The following PPFIA2 variants were observed in gnomAD, a reference collection of about 807,000 sequenced individuals.
PPFIA2 encodes liprin-alpha-2.
In PPFIA2, 46 loss-of-function variants were observed where a neutral mutation model predicts 175.5. The observed-to-expected ratio is 0.26, with a 90% confidence interval of 0.21 to 0.34. PPFIA2 has a LOEUF of 0.34. Among genes scored for constraint, PPFIA2 ranks in the 10% least tolerant of loss-of-function variants. The pLI is 1.00. For missense variants in PPFIA2, 1,179 were observed against 1,506.1 expected, an observed-to-expected ratio of 0.78 and a Z score of 3.60; for synonymous variants, 568 against 511.4, an observed-to-expected ratio of 1.11 and a Z score of -1.49.
At chr12:81,747,973 A>C (rs2083273289) in intron 3 of PPFIA2, among the ~76,000 whole-genome samples, 1 of 143,998 alleles carries the variant, frequency 6.9e-6, no homozygotes, top group African/African-American at 2.4e-5. Flanking sequence ...ACCTCCTTTC[A>C]ATCACTCTTA....
rs180954385 is a variant in PPFIA2, at chr12:81,416,381, G to A, written c.646-10478C>T. On this transcript the variant is annotated intron_variant, in intron 7 of 32. Transcript: ENST00000549396. The stretch of plus-strand genomic sequence containing the variant: ...TCATTAAGGTAAACAGTACTGAGAA[G>A]TGCCCTACCAAAGATAAAGAAACTG... Among the ~76,000 whole-genome samples, 98 of 151,652 alleles carry A rather than the reference G, an allele frequency of 6.5e-4. 2 individuals are homozygous for A. In the East Asian group the frequency reaches 0.018, roughly 28 times the overall value.
intron 4 of PPFIA2, among the ~76,000 whole-genome samples, chr12:81,579,024 AT>A (rs1748005447): frequency 6.6e-6 from 1 of 151,794 alleles, no homozygotes; most frequent in South Asian, 2.1e-4. Context: ...AAGATTGCCA[AT>A]TTTCTTCTAA....
At position 81,439,824 on chromosome 12, in the gene PPFIA2, G is replaced by A. The variant is rs981359399; in HGVS notation, c.645+148C>T. On this transcript the variant is annotated intron_variant, in intron 7 of 32. Coordinates refer to ENST00000549396, the MANE Select transcript of PPFIA2 (RefSeq NM_003625.5). ...ACCAAAAATCAGAAAACAAGACTCC[G>A]GCAACTAATTTCAACAAGCCTTGTT... is the stretch of plus-strand genomic sequence containing the variant. The A allele has an allele frequency of 5.4e-5, 37 of 690,086 alleles. 1 individual carries two copies. Among genetic ancestry groups the A allele is most frequent in the Admixed American group, 1.4e-4 (4 of 28,510 alleles). The allele number at this position is 690,086 out of a possible 1,614,324, so 42.7% of individuals were successfully genotyped here.
intron 6 of PPFIA2, among the ~76,000 whole-genome samples, chr12:81,443,104 T>C (rs1319166336): frequency 6.6e-6 from 1 of 151,480 alleles, no homozygotes; most frequent in African/African-American, 2.4e-5. Flanking sequence ...CAAATGCTGA[T>C]GCTTACTCCT....
intron 9 of PPFIA2, among the ~76,000 whole-genome samples, chr12:81,377,321 A>G (rs1479795897): frequency 6.6e-6 from 1 of 152,138 alleles, no homozygotes; most frequent in Non-Finnish European, 1.5e-5. Flanking sequence ...CAAGGTGGGC[A>G]GATCTCTTGA....
At chr12:81,301,012 AAC>A (rs1272014406) in intron 22 of PPFIA2, among the ~76,000 whole-genome samples, 1 of 152,146 alleles carries the variant, frequency 6.6e-6, no homozygotes, top group East Asian at 1.9e-4. Context: ...ACATTACACA[AAC>A]AGCTGCTAAC....
At chr12:81,476,553 A>G (rs576700433) in intron 4 of PPFIA2, among the ~76,000 whole-genome samples, 126 of 152,348 alleles carry the variant, frequency 8.3e-4, no homozygotes, top group African/African-American at 3.0e-3. Flanking sequence ...ATAAATATGA[A>G]CTGTAAAATA....
At chr12:81,639,460 A>G (rs576371548) in intron 4 of PPFIA2, among the ~76,000 whole-genome samples, 13 of 151,906 alleles carry the variant, frequency 8.6e-5, no homozygotes, top group Non-Finnish European at 1.9e-4. Context: ...AACCACCCAC[A>G]TTTCTTCCCA....
chr12:81,650,369 A>T (rs951739056), intron 4 of PPFIA2, among the ~76,000 whole-genome samples: 52 of 152,238 alleles, frequency 3.4e-4, no homozygotes, highest in Non-Finnish European at 5.9e-4. Context: ...GAGTAAAAAA[A>T]TTAAATATAC....
intron 22 of PPFIA2, among the ~76,000 whole-genome samples, chr12:81,312,585 A>T (rs2051209283): frequency 6.6e-6 from 1 of 152,222 alleles, no homozygotes; most frequent in Non-Finnish European, 1.5e-5. Context: ...ATAGCTTTAT[A>T]AGCCTACTGC....
chr12:81,343,077 G>A lies in PPFIA2; in HGVS notation c.2262+1587C>T, dbSNP rs527467156. 2.6e-5 allele frequency among the ~76,000 whole-genome samples: 4 copies of A among 152,030 alleles called. No individual in the cohort carries two copies. In the East Asian group the frequency reaches 7.7e-4, roughly 29 times the overall value. ...TTCTTAAATGTTGAATAAATAGGCTGATTACTTACCTGCTCTAATATTACA... is the reference window on the plus strand; with the variant it reads ...TTCTTAAATGTTGAATAAATAGGCTAATTACTTACCTGCTCTAATATTACA... On this transcript the variant is annotated intron_variant, in intron 19 of 32. Coordinates refer to ENST00000549396, the MANE Select transcript of PPFIA2 (RefSeq NM_003625.5).
At chr12:81,638,682 CTTTTTTTTTT>C (rs869311003) in intron 4 of PPFIA2, among the ~76,000 whole-genome samples, 3 of 72,684 alleles carry the variant, frequency 4.1e-5, no homozygotes, top group Admixed American at 4.6e-4. Context: ...CATAAATTTT[CTTTTTTTTTT>C]TTTTTTTTTT....
chr12:81,735,993 T>C (rs2081526384), intron 3 of PPFIA2, among the ~76,000 whole-genome samples: 1 of 151,910 alleles, frequency 6.6e-6, no homozygotes, highest in Non-Finnish European at 1.5e-5. Context: ...TTGAAATCAG[T>C]AAATGTTAAA....
At chr12:81,617,222 C>T (rs2061496727) in intron 4 of PPFIA2, among the ~76,000 whole-genome samples, 2 of 152,124 alleles carry the variant, frequency 1.3e-5, no homozygotes, top group Non-Finnish European at 2.9e-5. Flanking sequence ...TTTATTTTTG[C>T]CCAGTAGATT....
At chr12:81,282,516 G>T (rs564204374) in intron 26 of PPFIA2, among the ~76,000 whole-genome samples, 5 of 152,166 alleles carry the variant, frequency 3.3e-5, no homozygotes, top group Non-Finnish European at 7.4e-5. Flanking sequence ...GTATATGTCT[G>T]TTCCAAGTAT....
intron 3 of PPFIA2, among the ~76,000 whole-genome samples, chr12:81,698,448 C>G (rs758977495): frequency 6.6e-6 from 1 of 151,976 alleles, no homozygotes; most frequent in Non-Finnish European, 1.5e-5. Context: ...GATGAGGACC[C>G]CTTGACTTTG....
intron 7 of PPFIA2, among the ~76,000 whole-genome samples, chr12:81,422,244 T>TA (rs1347796643): frequency 6.6e-6 from 1 of 151,676 alleles, no homozygotes; most frequent in African/African-American, 2.4e-5. Context: ...GCCATCCTGT[T>TA]ACACCTCTGC....
chr12:81,498,245 A>T (rs796330197), intron 4 of PPFIA2, among the ~76,000 whole-genome samples: 2 of 152,220 alleles, frequency 1.3e-5, no homozygotes, highest in Non-Finnish European at 2.9e-5. Context: ...ACATCTATCA[A>T]ATAAATTAAA....
intron 3 of PPFIA2, among the ~76,000 whole-genome samples, chr12:81,684,594 T>C (rs2074168151): frequency 6.6e-6 from 1 of 152,164 alleles, no homozygotes; most frequent in Non-Finnish European, 1.5e-5. Context: ...TGTATCACTT[T>C]GAAAGCATGG....
Sources: gnomAD v4.1 joint callset for allele counts (sites outside exome capture counted in the v4.1 genomes callset) on GRCh38, gnomAD v4.1.1 for gene constraint, MANE v1.5 for transcripts, NCBI Gene and HGNC (gene_info 2026-07-23, HGNC 2026-07-21) for gene names.